UBR3: variants seen among roughly 807,000 people sequenced by gnomAD.
UBR3 encodes ubiquitin protein ligase E3 component n-recognin 3.
UBR3 carries 85 observed loss-of-function variants against 243.2 expected under a neutral mutation model. The observed-to-expected ratio is 0.35, with a 90% CI of 0.29 to 0.42. The LOEUF (loss-of-function observed/expected upper bound fraction) is 0.42. Ranked by LOEUF, UBR3 falls within the 10% of genes least tolerant of loss-of-function variation. The probability of loss-of-function intolerance (pLI) is 1.00; values close to 1 mark genes in which losing one functional copy is unlikely to be tolerated. For synonymous variants in UBR3, 748 were observed against 799.8 expected (o/e 0.94, Z 1.09); for missense variants, 1,686 against 2,300.8 (o/e 0.73, Z 5.47).
intron 19 of UBR3, among the ~76,000 whole-genome samples, chr2:169,934,876 G>A (rs1334382932): frequency 6.6e-6 from 1 of 152,152 alleles, no homozygotes. Context: ...GCTGGAAAAG[G>A]CCTTTAAGAT....
At chr2:169,929,821 C>T (rs577129300) in intron 18 of UBR3, among the ~76,000 whole-genome samples, 5 of 152,238 alleles carry the variant, frequency 3.3e-5, no homozygotes, top group Admixed American at 6.5e-5. Flanking sequence ...GTAGCAGTTA[C>T]GTGCTTCTTG....
intron 1 of UBR3, among the ~76,000 whole-genome samples, chr2:169,836,063 ATATATTTTT>A (rs1558999073): frequency 7.5e-5 from 2 of 26,612 alleles, no homozygotes; most frequent in Non-Finnish European, 1.6e-4. Context: ...ATATATATAT[ATATATTTTT>A]TTTTTTTTTT....
intron 10 of UBR3, among the ~76,000 whole-genome samples, chr2:169,906,481 A>G (rs2085013950): frequency 6.6e-6 from 1 of 151,916 alleles, no homozygotes; most frequent in Admixed American, 6.6e-5. Context: ...TCAATATTAC[A>G]CTTTCAAGAT....
intron 29 of UBR3, among the ~76,000 whole-genome samples, chr2:170,013,286 T>C (rs1331539992): frequency 3.3e-5 from 5 of 152,190 alleles, no homozygotes; most frequent in East Asian, 1.9e-4. Flanking sequence ...GAAAAGTTGG[T>C]ATTTAGAGCC....
At chr2:170,004,343 C>G (rs2089829572) in intron 27 of UBR3, among the ~76,000 whole-genome samples, 1 of 152,118 alleles carries the variant, frequency 6.6e-6, no homozygotes, top group African/African-American at 2.4e-5. Context: ...CAAAGTCTCA[C>G]ATTAGACATT....
intron 1 of UBR3, among the ~76,000 whole-genome samples, chr2:169,855,250 A>G (rs533469364): frequency 1.3e-5 from 2 of 152,326 alleles, no homozygotes; most frequent in East Asian, 3.9e-4. Flanking sequence ...TATACTTTTG[A>G]TAAATTTTTG....
At chr2:169,938,776 A>G (rs142239602) in intron 19 of UBR3, among the ~76,000 whole-genome samples, 61 of 152,358 alleles carry the variant, frequency 4.0e-4, no homozygotes, top group African/African-American at 1.3e-3. Flanking sequence ...GCCTAAAAAT[A>G]TAAAACTAAA....
At chr2:170,051,790 T>C (rs765459199) in intron 32 of UBR3, among the ~76,000 whole-genome samples, 37 of 152,244 alleles carry the variant, frequency 2.4e-4, no homozygotes, top group Admixed American at 6.5e-4. Flanking sequence ...CTGTAATGTC[T>C]GTCACTTATT....
At chr2:169,885,687 A>G (rs893268542) in intron 5 of UBR3, among the ~76,000 whole-genome samples, 5 of 152,058 alleles carry the variant, frequency 3.3e-5, no homozygotes, top group Admixed American at 2.6e-4. Flanking sequence ...TTTTTCCTGT[A>G]TACTCTTACA....
chr2:170,078,459 A>AT (rs1347921060), intron 36 of UBR3, among the ~76,000 whole-genome samples: 1 of 152,208 alleles, frequency 6.6e-6, no homozygotes, highest in African/African-American at 2.4e-5. Flanking sequence ...CTTGTTTCCC[A>AT]TACATATGCA....
intron 1 of UBR3, among the ~76,000 whole-genome samples, chr2:169,840,106 G>C (rs1456674473): frequency 1.3e-5 from 2 of 152,110 alleles, no homozygotes; most frequent in African/African-American, 4.8e-5. Context: ...TGCAGCTACA[G>C]GCATACCTCC....
chr2:169,936,697 G>A (rs62170348), intron 19 of UBR3, among the ~76,000 whole-genome samples: 8,546 of 151,864 alleles, frequency 0.056, 289 homozygotes, highest in Non-Finnish European at 0.083. Flanking sequence ...ACAGGGCCCG[G>A]TGTGTGATGT....
chr2:169,994,513 C>T (rs1423209088), intron 26 of UBR3, 57 bp downstream of exon 26: 3 of 1,528,206 alleles, frequency 2.0e-6, no homozygotes, highest in Non-Finnish European at 2.7e-6. Context: ...TTATTTCCCT[C>T]CAGAATTTTA....
chr2:169,863,407 C>A (rs1343813162), intron 1 of UBR3, among the ~76,000 whole-genome samples: 2 of 152,162 alleles, frequency 1.3e-5, no homozygotes, highest in Non-Finnish European at 2.9e-5. Flanking sequence ...TGATGTCAAA[C>A]AAAATTTAGA....
intron 31 of UBR3, among the ~76,000 whole-genome samples, chr2:170,034,101 G>A (rs1462018068): frequency 6.6e-6 from 1 of 151,250 alleles, no homozygotes; most frequent in African/African-American, 2.4e-5. Flanking sequence ...CACTGTAACA[G>A]ATACATAGCC....
intron 2 of UBR3, 107 bp downstream of exon 2, chr2:169,872,482 C>T: frequency 2.5e-6 from 2 of 811,584 alleles, no homozygotes; most frequent in Non-Finnish European, 3.7e-6. Context: ...TTTTGTTTAA[C>T]ATTTAAAAAG....
chr2:169,946,422 A>T, intron 21 of UBR3, 30 bp downstream of exon 21: 1 of 1,331,022 alleles, frequency 7.5e-7, no homozygotes, highest in Non-Finnish European at 1.0e-6. Context: ...TAAAATTTTT[A>T]GATAGGCAGC....
chr2:169,967,359 G>T (rs1045942645), intron 24 of UBR3, among the ~76,000 whole-genome samples: 5 of 149,942 alleles, frequency 3.3e-5, no homozygotes, highest in African/African-American at 1.2e-4. Context: ...ATGGTTGGTT[G>T]AGTGCTTCAG....
intron 1 of UBR3, among the ~76,000 whole-genome samples, chr2:169,850,234 A>C (rs918028739): frequency 1.5e-5 from 2 of 137,868 alleles, no homozygotes; most frequent in Non-Finnish European, 3.0e-5. Flanking sequence ...GCTGGAGTGC[A>C]GCAGCATGAT....
Sources: gnomAD v4.1 joint callset for allele counts (sites outside exome capture counted in the v4.1 genomes callset) on GRCh38, gnomAD v4.1.1 for gene constraint, MANE v1.5 for transcripts, NCBI Gene and HGNC (gene_info 2026-07-23, HGNC 2026-07-21) for gene names.